PTPRT: variants seen among roughly 807,000 people sequenced by gnomAD.
PTPRT encodes the protein protein tyrosine phosphatase receptor type T.
PTPRT carries 56 observed loss-of-function variants against 176.8 expected under a neutral mutation model. That is an observed-to-expected ratio of 0.32 (90% CI 0.26 to 0.40). The LOEUF (loss-of-function observed/expected upper bound fraction) is 0.40. Among genes scored for constraint, PTPRT ranks in the 10% least tolerant of loss-of-function variants. The pLI is 1.00. For missense variants in PTPRT, 1,540 were observed against 1,908.2 expected (o/e 0.81, Z 3.60); for synonymous variants, 783 against 739.0 (o/e 1.06, Z -0.96).
intron 12 of PTPRT, among the ~76,000 whole-genome samples, chr20:42,314,483 C>G (rs1461415761): frequency 2.1e-5 from 3 of 142,360 alleles, no homozygotes; most frequent in Non-Finnish European, 4.5e-5. Context: ...GAGCCAAGAT[C>G]GCACCACTGC....
At chr20:43,079,222 C>T (rs796843428) in intron 1 of PTPRT, among the ~76,000 whole-genome samples, 3 of 145,040 alleles carry the variant, frequency 2.1e-5, no homozygotes, top group African/African-American at 7.6e-5. Context: ...CTCTCTCCCC[C>T]CTGTCCTCTA....
intron 4 of PTPRT, among the ~76,000 whole-genome samples, chr20:42,773,887 C>A (rs904246602): frequency 6.6e-6 from 1 of 152,170 alleles, no homozygotes; most frequent in African/African-American, 2.4e-5. Context: ...CCTTACCCTT[C>A]GAGAAAATGG....
chr20:42,606,213 C>A (rs1195596244), intron 7 of PTPRT, among the ~76,000 whole-genome samples: 1 of 151,318 alleles, frequency 6.6e-6, no homozygotes, highest in Non-Finnish European at 1.5e-5. Context: ...CCTTCCACCC[C>A]AAGATAAATA....
chr20:43,171,322 A>G (rs2014993392), intron 1 of PTPRT, among the ~76,000 whole-genome samples: 1 of 152,226 alleles, frequency 6.6e-6, no homozygotes, highest in Admixed American at 6.5e-5. Flanking sequence ...ATTCACCAAC[A>G]TTAAGTGAGC....
chr20:42,960,388 A>C (rs1981919560), intron 1 of PTPRT, among the ~76,000 whole-genome samples: 1 of 152,114 alleles, frequency 6.6e-6, no homozygotes, highest in African/African-American at 2.4e-5. Context: ...GGAGGACCTA[A>C]CAAGCTCCCT....
chr20:42,943,689 T>C (rs1176035255), intron 1 of PTPRT, among the ~76,000 whole-genome samples: 1 of 152,130 alleles, frequency 6.6e-6, no homozygotes, highest in East Asian at 1.9e-4. Flanking sequence ...CACCATCCAG[T>C]TAATCTCGTT....
chr20:42,910,578 C>G (rs151303293), intron 1 of PTPRT, among the ~76,000 whole-genome samples: 2 of 152,262 alleles, frequency 1.3e-5, no homozygotes, highest in African/African-American at 2.4e-5. Flanking sequence ...TGGGGTCAAA[C>G]TAAACAGATC....
At chr20:42,665,358 G>A (rs537485370) in intron 7 of PTPRT, among the ~76,000 whole-genome samples, 2 of 152,264 alleles carry the variant, frequency 1.3e-5, no homozygotes, top group South Asian at 2.1e-4. Flanking sequence ...ATCATCACTG[G>A]CCATCAGAGA....
At chr20:43,116,396 A>G (rs1002916894) in intron 1 of PTPRT, among the ~76,000 whole-genome samples, 2 of 152,226 alleles carry the variant, frequency 1.3e-5, no homozygotes, top group Non-Finnish European at 2.9e-5. Flanking sequence ...TGCCTTAGAC[A>G]GTGTTCACCA....
chr20:42,091,791 G>C (rs1384941292), intron 27 of PTPRT, among the ~76,000 whole-genome samples: 1 of 149,064 alleles, frequency 6.7e-6, no homozygotes, highest in Non-Finnish European at 1.5e-5. Context: ...GAGGGAGAAA[G>C]AGAGGGAGAG....
At chr20:42,328,953 G>A (rs2057924802) in intron 11 of PTPRT, among the ~76,000 whole-genome samples, 1 of 152,158 alleles carries the variant, frequency 6.6e-6, no homozygotes, top group African/African-American at 2.4e-5. Context: ...CAGTGAATGA[G>A]ATGAAGAAAA....
chr20:42,729,813 C>T (rs566601777), intron 6 of PTPRT, among the ~76,000 whole-genome samples: 1 of 152,180 alleles, frequency 6.6e-6, no homozygotes, highest in East Asian at 1.9e-4. Context: ...TTCCCCATGG[C>T]TACCTCTTCT....
chr20:42,036,605 C>T, the PTPRT span, among the ~76,000 whole-genome samples: 5 of 152,126 alleles, frequency 3.3e-5, no homozygotes, highest in Non-Finnish European at 7.4e-5. Flanking sequence ...TCAGGAACTG[C>T]AGGAATCCCG....
At chr20:43,162,253 T>C (rs1329039481) in intron 1 of PTPRT, among the ~76,000 whole-genome samples, 3 of 152,222 alleles carry the variant, frequency 2.0e-5, no homozygotes, top group Non-Finnish European at 4.4e-5. Context: ...ATAACAGCAA[T>C]GGCAGTAACA....
intron 1 of PTPRT, among the ~76,000 whole-genome samples, chr20:43,027,195 C>T (rs994541938): frequency 2.0e-5 from 3 of 152,026 alleles, no homozygotes; most frequent in Admixed American, 1.3e-4. Context: ...TAGACAGTTA[C>T]AGCCAGGCAC....
intron 9 of PTPRT, among the ~76,000 whole-genome samples, chr20:42,416,520 T>A (rs1194108492): frequency 1.3e-5 from 2 of 152,190 alleles, no homozygotes; most frequent in Admixed American, 1.3e-4. Context: ...CAGTTCAGTT[T>A]CTCCCTACCT....
chr20:42,501,230 G>A (rs1204965733), intron 7 of PTPRT, among the ~76,000 whole-genome samples: 1 of 152,036 alleles, frequency 6.6e-6, no homozygotes, highest in African/African-American at 2.4e-5. Context: ...TGTGTCATTT[G>A]TTCAACCTTA....
At position 42,077,501 on chromosome 20, in the gene PTPRT, C is replaced by G. The variant is rs1982890306; in HGVS notation, c.*3378G>C. 1 of 221,100 alleles carries G rather than the reference C, an allele frequency of 4.5e-6. No homozygotes were observed. Among genetic ancestry groups the G allele is most frequent in the Admixed American group, 5.8e-5 (1 of 17,320 alleles). The allele number at this position is 221,100 out of a possible 1,614,324, so 13.7% of individuals were successfully genotyped here. On this transcript the variant is annotated 3_prime_UTR_variant, in exon 31 of 31. Transcript: ENST00000373187. The stretch of plus-strand genomic sequence containing the variant: ...TCTGCTCATGACAGGCTGAGCTCAC[C>G]CTGTAAATGGGGTGGGGTGGGGAGA...
At chr20:42,051,194 G>A in the PTPRT span, among the ~76,000 whole-genome samples, 2 of 152,176 alleles carry the variant, frequency 1.3e-5, no homozygotes, top group Admixed American at 6.5e-5. Context: ...AGTGGTCATC[G>A]CCTGGATTCT....
Sources: gnomAD v4.1 joint callset for allele counts (sites outside exome capture counted in the v4.1 genomes callset) on GRCh38, gnomAD v4.1.1 for gene constraint, MANE v1.5 for transcripts, NCBI Gene and HGNC (gene_info 2026-07-23, HGNC 2026-07-21) for gene names.